UGT1A5: variants seen among roughly 807,000 people sequenced by gnomAD.
UGT1A5 encodes UDP-glucuronosyltransferase 1A5.
UGT1A5 carries 29 observed loss-of-function variants against 40.3 expected under a neutral mutation model. The ratio of observed to expected loss-of-function variants is 0.72; its 90% CI spans 0.54 to 0.98. UGT1A5 has a LOEUF of 0.98. UGT1A5 is among the 50% of genes least tolerant of loss of function. The pLI, the probability that UGT1A5 is intolerant of heterozygous loss-of-function variation, is 0.00. For missense variants in UGT1A5, 678 were observed against 677.9 expected (o/e 1.00, Z 0.00); for synonymous variants, 257 against 262.5 (o/e 0.98, Z 0.20).
chr2:233,721,867 A>G (rs1329615455), intron 1 of UGT1A5: 1 of 503,090 alleles, frequency 2.0e-6, no homozygotes, highest in African/African-American at 1.9e-5. Context: ...GGCCCTGGGC[A>G]CACTTGCCAG....
chr2:233,726,601 T>G (rs1416735332), intron 1 of UGT1A5, among the ~76,000 whole-genome samples: 18 of 152,204 alleles, frequency 1.2e-4, no homozygotes, highest in African/African-American at 4.3e-4. Context: ...CCCTTGTGAT[T>G]ACACTGTCCT....
chr2:233,772,899 G>A lies in UGT1A5; in HGVS notation c.*340G>A, dbSNP rs1167184820. 6 of 428,920 alleles carry A rather than the reference G, an allele frequency of 1.4e-5. No homozygotes were observed. The highest frequency in any genetic ancestry group is 8.2e-5 in the African/African-American group (4 of 48,988). 26.6% of individuals were successfully genotyped at this position (428,920 alleles called of 1,614,324 possible). ...TGCGGGATTCAAAGGTGGTCCCACG[G>A]CTGCCCCTACTGCAAATGGCAGTTT... is the stretch of plus-strand genomic sequence containing the variant. On this transcript the variant is annotated 3_prime_UTR_variant, in exon 5 of 5. Coordinates refer to ENST00000373414, the MANE Select transcript of UGT1A5 (RefSeq NM_019078.2).
intron 1 of UGT1A5, among the ~76,000 whole-genome samples, chr2:233,765,711 T>TTAATAATAA (rs10664358): frequency 0.012 from 1,790 of 149,272 alleles, 15 homozygotes; most frequent in Middle Eastern, 0.045. Context: ...ATAATAATAA[T>TTAATAATAA]TAATAATAAT....
At chr2:233,729,071 A>G in intron 1 of UGT1A5, 1 of 1,611,650 alleles carries the variant, frequency 6.2e-7, no homozygotes, top group Non-Finnish European at 8.5e-7. Flanking sequence ...TGAAGAAAGC[A>G]AATGTAGCAG....
rs1299617457 is a variant in UGT1A5, at chr2:233,724,834, A to G, written c.867+10976A>G. On this transcript the variant is annotated intron_variant, in intron 1 of 4. Coordinates refer to ENST00000373414, the MANE Select transcript of UGT1A5 (RefSeq NM_019078.2). ...GAGGCTGCAATCTCGGCACTTTGGG[A>G]GGCCAAGGCAGGCGGCTGGGAGGTG... 3.0e-5 allele frequency among the ~76,000 whole-genome samples: 4 copies of G among 132,466 alleles called. 1 individual carries two copies. The highest frequency in any genetic ancestry group is 6.3e-5 in the Non-Finnish European group (4 of 63,510). 86.9% of individuals were successfully genotyped at this position (132,466 alleles called of 152,430 possible).
At chr2:233,747,235 C>G in intron 1 of UGT1A5, 2 of 1,604,608 alleles carry the variant, frequency 1.2e-6, no homozygotes. Flanking sequence ...ACCCCAGGTT[C>G]CCCTGCTGTG....
In UGT1A5 at chr2:233,713,451, T is replaced by G. The variant is rs779404172; in HGVS notation, c.460T>G (p.Phe154Val). 4.3e-5 allele frequency: 69 copies of G among 1,614,108 alleles called. 1 individual carries two copies. The highest frequency in any genetic ancestry group is 3.4e-4 in the South Asian group (31 of 91,046). The change falls in exon 1 of 5, where the codon TTT becomes GTT. Residue 154 changes from phenylalanine (F) to valine (V), a missense_variant. By Grantham distance (50) the Phe-to-Val change is conservative. Coordinates refer to ENST00000373414, the MANE Select transcript of UGT1A5 (RefSeq NM_019078.2). Reference protein sequence around the residue: ...TSFDVVLTDPFHLCAAVLAKY... With the variant: ...TSFDVVLTDPVHLCAAVLAKY... ...CTTTGATGTGGTTCTAACAGACCCC[T>G]TTCACCTCTGCGCGGCGGTGCTGGC...
intron 1 of UGT1A5, chr2:233,754,910 C>A: frequency 7.4e-7 from 1 of 1,353,942 alleles, no homozygotes; most frequent in African/African-American, 1.5e-5. Flanking sequence ...CCAAAATATT[C>A]TCCAGCGGGT....
At chr2:233,770,240 T>A (rs1700042980) in intron 4 of UGT1A5, 1 of 152,226 alleles carries the variant, frequency 6.6e-6, no homozygotes, top group Non-Finnish European at 1.5e-5. Flanking sequence ...TCTCCATGAT[T>A]CCAACACTCT....
At chr2:233,768,980 T>A (rs1699769339) in intron 4 of UGT1A5, among the ~76,000 whole-genome samples, 1 of 152,212 alleles carries the variant, frequency 6.6e-6, no homozygotes, top group Non-Finnish European at 1.5e-5. Flanking sequence ...TTTAGAATTT[T>A]ATTTCCCCCA....
intron 1 of UGT1A5, among the ~76,000 whole-genome samples, chr2:233,731,698 G>C (rs2078194443): frequency 6.6e-6 from 1 of 152,202 alleles, no homozygotes; most frequent in South Asian, 2.1e-4. Context: ...TGGACATTTG[G>C]ATTGGTTCCA....
chr2:233,728,753 T>G (rs1294725460), intron 1 of UGT1A5, among the ~76,000 whole-genome samples: 2 of 152,174 alleles, frequency 1.3e-5, no homozygotes, highest in Non-Finnish European at 2.9e-5. Context: ...CAATGGTGAC[T>G]CCTCAGACCT....
chr2:233,735,494 C>T (rs1320863859), intron 1 of UGT1A5, among the ~76,000 whole-genome samples: 1 of 152,164 alleles, frequency 6.6e-6, no homozygotes, highest in Non-Finnish European at 1.5e-5. Flanking sequence ...TTAATTGCAG[C>T]ATTTAGCCCA....
At chr2:233,717,386 C>T (rs759361216) in intron 1 of UGT1A5, among the ~76,000 whole-genome samples, 3 of 152,252 alleles carry the variant, frequency 2.0e-5, no homozygotes, top group African/African-American at 7.2e-5. Context: ...GACCTGCCCT[C>T]TCTGTGCCAT....
rs377618743 is a variant in UGT1A5, at chr2:233,743,739, T to A, written c.868-23295T>A. 1.2e-4 allele frequency: 170 copies of A among 1,367,366 alleles called. 1 individual carries two copies. Among genetic ancestry groups the A allele is most frequent in the South Asian group, 2.3e-4 (20 of 88,056 alleles). 84.7% of individuals were successfully genotyped at this position (1,367,366 alleles called of 1,614,324 possible). ...TAGCGGTCATAGATATCGCGTTTCT[T>A]GGCGTCCGACAACACCTCGTAGGCC... On this transcript the variant is annotated intron_variant, in intron 1 of 4. Transcript: ENST00000373414.
intron 1 of UGT1A5, chr2:233,718,041 G>A (rs2076623954): frequency 2.7e-6 from 1 of 376,114 alleles, no homozygotes; most frequent in African/African-American, 2.1e-5. Flanking sequence ...TGGTGAGCAG[G>A]AGCTCCCTGA....
intron 1 of UGT1A5, among the ~76,000 whole-genome samples, chr2:233,730,325 C>G (rs532901219): frequency 2.0e-5 from 3 of 152,132 alleles, no homozygotes; most frequent in Non-Finnish European, 4.4e-5. Flanking sequence ...AACAGGGACA[C>G]TACGTTTGGA....
chr2:233,752,059 C>T lies in UGT1A5; in HGVS notation c.868-14975C>T, dbSNP rs190441645. ...GTAAGCTGTTGTGTGAATGATTTCC[C>T]GAGATGGGGAAGTCTCTCTACCTGT... On this transcript the variant is annotated intron_variant, in intron 1 of 4. Transcript: ENST00000373414. 8.5e-5 allele frequency among the ~76,000 whole-genome samples: 13 copies of T among 152,200 alleles called. No homozygotes were observed. In the East Asian group the frequency reaches 9.6e-4, roughly 11 times the overall value.
chr2:233,745,257 G>A (rs1693056252), intron 1 of UGT1A5, among the ~76,000 whole-genome samples: 1 of 151,828 alleles, frequency 6.6e-6, no homozygotes, highest in African/African-American at 2.4e-5. Context: ...AAACCATTAA[G>A]ACTTGCAGGC....
Sources: gnomAD v4.1 joint callset for allele counts (sites outside exome capture counted in the v4.1 genomes callset) on GRCh38, gnomAD v4.1.1 for gene constraint, MANE v1.5 for transcripts, NCBI Gene and HGNC (gene_info 2026-07-23, HGNC 2026-07-21) for gene names.